Variants in TBC1D4 observed in about 807,000 individuals in gnomAD.
TBC1D4 encodes the protein TBC1 domain family member 4, also known as TBC (Tre-2, BUB2, CDC16) domain-containing protein.
A neutral mutation model predicts 142.5 loss-of-function variants in TBC1D4; 121 were observed. The ratio of observed to expected loss-of-function variants is 0.85; its 90% CI spans 0.73 to 0.99. The LOEUF is 0.99. Among genes scored for constraint, TBC1D4 ranks in the 50% least tolerant of loss-of-function variants. The pLI, the probability that TBC1D4 is intolerant of heterozygous loss-of-function variation, is 0.00. For synonymous variants in TBC1D4, 630 were observed against 628.2 expected, an observed-to-expected ratio of 1.00 and a Z score of -0.04; for missense variants, 1,475 against 1,606.6, an observed-to-expected ratio of 0.92 and a Z score of 1.40.
Position 75,362,743 on chromosome 13 carries a change from G to C in TBC1D4, c.499-136C>G, listed in dbSNP as rs17064251. On this transcript the variant is annotated intron_variant, in intron 1 of 20. Coordinates refer to ENST00000377636, the MANE Select transcript of TBC1D4 (RefSeq NM_014832.5). This position sits in a 1 kb window ranked among gnomAD's most constrained non-coding sequence, Gnocchi z 4.2. ...AAAGTAATAGACACTACACGAGACA[G>C]AGCATACACTTACATTATTTGACAT... 2 of 859,542 alleles carry C rather than the reference G, an allele frequency of 2.3e-6. No individual in the cohort carries two copies. The highest frequency in any genetic ancestry group is 1.8e-6 in the Non-Finnish European group (1 of 558,828). 53.2% of individuals were successfully genotyped at this position (859,542 alleles called of 1,614,324 possible).
intron 19 of TBC1D4, among the ~76,000 whole-genome samples, chr13:75,290,355 C>A (rs1253074885): frequency 6.6e-6 from 1 of 152,074 alleles, no homozygotes; most frequent in African/African-American, 2.4e-5. Context: ...GCATTTCATT[C>A]CACAGTAATC....
At chr13:75,430,030 A>G (rs1751865654) in intron 1 of TBC1D4, among the ~76,000 whole-genome samples, 1 of 152,214 alleles carries the variant, frequency 6.6e-6, no homozygotes, top group Admixed American at 6.5e-5. Context: ...TTTCACTCTA[A>G]ATCTCCAGAG....
chr13:75,319,969 A>C (rs760675073), intron 12 of TBC1D4, 45 bp downstream of exon 12: 4 of 1,600,690 alleles, frequency 2.5e-6, no homozygotes, highest in Non-Finnish European at 3.4e-6. Flanking sequence ...AGTTGGAAGA[A>C]TCTGTGAATT....
At chr13:75,337,377 A>G (rs1289541675) in intron 7 of TBC1D4, among the ~76,000 whole-genome samples, 1 of 152,224 alleles carries the variant, frequency 6.6e-6, no homozygotes, top group Non-Finnish European at 1.5e-5. Flanking sequence ...ATCCCTTTCC[A>G]AGATGTATAC....
Position 75,324,317 on chromosome 13 carries a change from AG to A in TBC1D4, c.2117del (p.Pro706LeufsTer9), listed in dbSNP as rs781661200. 6.2e-7 allele frequency: 1 copy of A among 1,614,016 alleles called. No individual in the cohort carries two copies. Among genetic ancestry groups the A allele is most frequent in the Non-Finnish European group, 8.5e-7 (1 of 1,179,890 alleles). On this transcript the variant is annotated frameshift_variant, in exon 11 of 21. Transcript: ENST00000377636. LOFTEE classifies it high-confidence loss of function. ...LPSLHTSFSA[P>X]SFTAPSFLKS... ...TCAGGAAAGAGGGGGCAGTGAAGGA[AG>A]GGGCAGAGAAGGAAGTGTGAAGACT...
At chr13:75,381,908 A>G (rs1883871699) in intron 1 of TBC1D4, among the ~76,000 whole-genome samples, 2 of 152,260 alleles carry the variant, frequency 1.3e-5, no homozygotes. Context: ...CTATGGAGAT[A>G]GATGGGAAAT....
chr13:75,448,493 G>A lies in TBC1D4; in HGVS notation c.498+32777C>T, dbSNP rs763235406. 4.1e-4 allele frequency among the ~76,000 whole-genome samples: 61 copies of A among 150,250 alleles called. 1 individual carries two copies. Among genetic ancestry groups the A allele is most frequent in the Non-Finnish European group, 8.1e-4 (55 of 67,660 alleles). On this transcript the variant is annotated intron_variant, in intron 1 of 20. Coordinates refer to ENST00000377636, the MANE Select transcript of TBC1D4 (RefSeq NM_014832.5). Reference sequence around the variant, plus strand: ...TGAGGTGGGAGAATCGCTTGAACCCGTTAGGTGGAGGTTTCAGTGAGCCAA... The same window carrying A: ...TGAGGTGGGAGAATCGCTTGAACCCATTAGGTGGAGGTTTCAGTGAGCCAA...
At chr13:75,452,918 G>C (rs1273651963) in intron 1 of TBC1D4, among the ~76,000 whole-genome samples, 1 of 152,056 alleles carries the variant, frequency 6.6e-6, no homozygotes, top group Admixed American at 6.6e-5. Context: ...GGCCGTCAGG[G>C]GATAGCGTCT....
At chr13:75,386,442 G>A (rs961836125) in intron 1 of TBC1D4, among the ~76,000 whole-genome samples, 6 of 148,146 alleles carry the variant, frequency 4.1e-5, no homozygotes, top group Non-Finnish European at 7.4e-5. Context: ...AGGCTGGAGT[G>A]CAGTGGTGTG....
chr13:75,373,920 G>A (rs903030355), intron 1 of TBC1D4, among the ~76,000 whole-genome samples: 2 of 152,090 alleles, frequency 1.3e-5, no homozygotes, highest in Admixed American at 1.3e-4. Context: ...GATGGTTTAC[G>A]TGACCCAAAC....
intron 1 of TBC1D4, among the ~76,000 whole-genome samples, chr13:75,431,088 A>G (rs1450867104): frequency 6.6e-6 from 1 of 152,230 alleles, no homozygotes; most frequent in African/African-American, 2.4e-5. Context: ...AAGGGAAATG[A>G]GGCATCAATG....
At chr13:75,424,393 GT>G (rs1239785112) in intron 1 of TBC1D4, among the ~76,000 whole-genome samples, 2 of 151,692 alleles carry the variant, frequency 1.3e-5, no homozygotes, top group Non-Finnish European at 2.9e-5. Flanking sequence ...ATTTTTTGAT[GT>G]TTTTTAAATC....
intron 1 of TBC1D4, among the ~76,000 whole-genome samples, chr13:75,436,448 G>T (rs1886803379): frequency 6.6e-6 from 1 of 151,968 alleles, no homozygotes; most frequent in Non-Finnish European, 1.5e-5. Context: ...TTAAGCTCAG[G>T]GGTTCAAGAC....
At chr13:75,456,193 T>C (rs1284356250) in intron 1 of TBC1D4, among the ~76,000 whole-genome samples, 1 of 152,118 alleles carries the variant, frequency 6.6e-6, no homozygotes, top group African/African-American at 2.4e-5. Context: ...AGCCATAATA[T>C]CTATAAATAA....
At chr13:75,336,447 C>T (rs999640858) in intron 8 of TBC1D4, among the ~76,000 whole-genome samples, 1 of 151,580 alleles carries the variant, frequency 6.6e-6, no homozygotes, top group Non-Finnish European at 1.5e-5. Flanking sequence ...GTGGCTCACA[C>T]CTGTAATGCC....
In TBC1D4 at chr13:75,362,310, A is replaced by T; in HGVS notation, c.796T>A (p.Cys266Ser). 1 of 1,614,002 alleles carries T rather than the reference A, an allele frequency of 6.2e-7. No homozygotes were observed. Among genetic ancestry groups the T allele is most frequent in the Non-Finnish European group, 8.5e-7 (1 of 1,180,028 alleles). The part of the protein sequence containing the change: ...EVVVPGSPGD[C>S]LPEEADGTDT... ...GTGCCGTCAGCCTCCTCCGGCAGGC[A>T]GTCTCCGGGGGACCCGGGCACCACC... The change falls in exon 2 of 21, where the codon TGC becomes AGC. Residue 266 changes from cysteine (C) to serine (S), a missense_variant. Physicochemically the swap from Cys to Ser is moderately radical, Grantham distance 112. Coordinates refer to ENST00000377636, the MANE Select transcript of TBC1D4 (RefSeq NM_014832.5). The surrounding 1 kb of genome is among the most constrained non-coding windows in gnomAD (Gnocchi z 4.2).
chr13:75,355,262 CAT>C (rs1344596233), intron 4 of TBC1D4, among the ~76,000 whole-genome samples: 1 of 152,112 alleles, frequency 6.6e-6, no homozygotes, highest in Non-Finnish European at 1.5e-5. Flanking sequence ...GGGAGGATCA[CAT>C]GTCTAAGAAA....
At position 75,306,252 on chromosome 13, in the gene TBC1D4, A is replaced by C. The variant is rs945132030; in HGVS notation, c.2752+61T>G. On this transcript the variant is annotated intron_variant, in intron 15 of 20. Coordinates refer to ENST00000377636, the MANE Select transcript of TBC1D4 (RefSeq NM_014832.5). Reference sequence around the variant, plus strand: ...ATCTGAGCTCCACAAATCAAACAAAAAAAAAAAATCCCCCAGGCTTTTCTT... The same window carrying C: ...ATCTGAGCTCCACAAATCAAACAAACAAAAAAAATCCCCCAGGCTTTTCTT... The C allele has an allele frequency of 1.2e-5, 17 of 1,455,096 alleles. No individual in the cohort carries two copies. In the African/African-American group the frequency reaches 1.9e-4, roughly 16 times the overall value. The allele number at this position is 1,455,096 out of a possible 1,614,324, so 90.1% of individuals were successfully genotyped here.
At chr13:75,410,177 G>A (rs1885572027) in intron 1 of TBC1D4, among the ~76,000 whole-genome samples, 1 of 152,254 alleles carries the variant, frequency 6.6e-6, no homozygotes, top group African/African-American at 2.4e-5. Flanking sequence ...TAATTACTAT[G>A]TTTGATATAT....
Sources: allele counts gnomAD v4.1 joint callset (sites outside exome capture counted in the v4.1 genomes callset), GRCh38; gene constraint gnomAD v4.1.1; non-coding constraint Gnocchi (gnomAD v3.1); transcripts MANE v1.5; gene names NCBI Gene and HGNC (gene_info 2026-07-23, HGNC 2026-07-21).